The following JAM3 variants were observed in gnomAD, a reference collection of about 807,000 sequenced individuals.
JAM3 encodes the protein junctional adhesion molecule C.
In JAM3, 31 loss-of-function variants were observed where a neutral mutation model predicts 39.4. That is an observed-to-expected ratio of 0.79 (90% CI 0.59 to 1.06). The LOEUF (loss-of-function observed/expected upper bound fraction) is 1.06. Among genes scored for constraint, JAM3 ranks in the 50% least tolerant of loss-of-function variants. The pLI is 0.00. For synonymous variants in JAM3, 182 were observed against 148.7 expected (o/e 1.22, Z -1.63); for missense variants, 455 against 391.4 (o/e 1.16, Z -1.37).
chr11:134,106,167 G>C (rs969490357), intron 1 of JAM3, among the ~76,000 whole-genome samples: 1 of 152,148 alleles, frequency 6.6e-6, no homozygotes, highest in African/African-American at 2.4e-5. Flanking sequence ...CAATGGAACA[G>C]AACAGAGCCC....
chr11:134,111,081 ACCTTT>A (rs1942299568), intron 1 of JAM3, among the ~76,000 whole-genome samples: 1 of 142,638 alleles, frequency 7.0e-6, no homozygotes, highest in Non-Finnish European at 1.5e-5. Flanking sequence ...TTCTCACTCT[ACCTTT>A]CCTATGTCTA....
At chr11:134,115,553 G>C (rs1942411660) in intron 1 of JAM3, among the ~76,000 whole-genome samples, 1 of 152,102 alleles carries the variant, frequency 6.6e-6, no homozygotes, top group Non-Finnish European at 1.5e-5. Context: ...TTTGCAGAAA[G>C]TCTTCAATTT....
At chr11:134,118,333 A>T (rs1942475025) in intron 1 of JAM3, among the ~76,000 whole-genome samples, 1 of 152,190 alleles carries the variant, frequency 6.6e-6, no homozygotes, top group South Asian at 2.1e-4. Context: ...TGCCAGGCTC[A>T]TGCAAAGATG....
intron 8 of JAM3, 25 bp from the exon 9 acceptor site, chr11:134,149,121 C>T (rs770477046): frequency 8.1e-6 from 13 of 1,613,462 alleles, no homozygotes; most frequent in Non-Finnish European, 1.1e-5. Context: ...CCCTTGATGG[C>T]TCTAACTGTG....
In JAM3 at chr11:134,107,764, G is replaced by A. The variant is rs778564328; in HGVS notation, c.77-32087G>A. ...TGTAGTCCCAGCTACTTGGGACATCGGGGCAGGAGAATTGCTTGGTCCCAG... is the reference window on the plus strand; with the variant it reads ...TGTAGTCCCAGCTACTTGGGACATCAGGGCAGGAGAATTGCTTGGTCCCAG... On this transcript the variant is annotated intron_variant, in intron 1 of 8. Transcript: ENST00000299106. Among the ~76,000 whole-genome samples, 4 of 152,000 alleles carry A rather than the reference G, an allele frequency of 2.6e-5. No homozygotes were observed. The South Asian group carries it at 6.2e-4, about 24-fold the overall frequency.
chr11:134,089,482 C>T lies in JAM3; in HGVS notation c.76+20323C>T, dbSNP rs150298319. On this transcript the variant is annotated intron_variant, in intron 1 of 8. Transcript: ENST00000299106. ...CATCCCTGTACCCCACAACAGGCCC[C>T]GGTGTTTGATGTTCCCCTTCCTGTG... 3.2e-3 allele frequency among the ~76,000 whole-genome samples: 480 copies of T among 152,124 alleles called. 8 individuals carry two copies. Among genetic ancestry groups the T allele is most frequent in the East Asian group, 0.014 (73 of 5,150 alleles).
intron 1 of JAM3, among the ~76,000 whole-genome samples, chr11:134,116,246 A>G (rs1041748171): frequency 1.3e-5 from 2 of 152,348 alleles, no homozygotes; most frequent in African/African-American, 4.8e-5. Flanking sequence ...GTATTCTGAT[A>G]AAGTTTTTTC....
chr11:134,092,582 T>A (rs558140234), intron 1 of JAM3, among the ~76,000 whole-genome samples: 1 of 150,452 alleles, frequency 6.6e-6, no homozygotes, highest in Admixed American at 6.6e-5. Context: ...TGTCACTTCC[T>A]GAGGGAAGCT....
At chr11:134,144,749 C>T in intron 4 of JAM3, 43 bp from the exon 5 acceptor site, 1 of 1,515,232 alleles carries the variant, frequency 6.6e-7, no homozygotes, top group Non-Finnish European at 9.1e-7. Flanking sequence ...AAGAATAGAG[C>T]CCTGTCACTG....
chr11:134,082,567 G>C (rs920290294), intron 1 of JAM3, among the ~76,000 whole-genome samples: 1 of 152,118 alleles, frequency 6.6e-6, no homozygotes, highest in African/African-American at 2.4e-5. Flanking sequence ...GTTTCAAAAA[G>C]GGAAGTTTCC....
intron 1 of JAM3, among the ~76,000 whole-genome samples, chr11:134,127,703 A>G (rs999069894): frequency 6.6e-6 from 1 of 152,218 alleles, no homozygotes; most frequent in Non-Finnish European, 1.5e-5. Context: ...CGATTTCAAA[A>G]CAAAATAAAA....
At chr11:134,116,826 TTAAAA>T (rs1469501267) in intron 1 of JAM3, among the ~76,000 whole-genome samples, 1 of 152,196 alleles carries the variant, frequency 6.6e-6, no homozygotes, top group Non-Finnish European at 1.5e-5. Flanking sequence ...TGTATCTATG[TTAAAA>T]TAAACATTAG....
At chr11:134,124,285 G>C in intron 1 of JAM3, 1 of 923,360 alleles carries the variant, frequency 1.1e-6, no homozygotes, top group Non-Finnish European at 1.8e-6. Flanking sequence ...ACAAGAAAAC[G>C]CATGTTCTCA....
intron 1 of JAM3, among the ~76,000 whole-genome samples, chr11:134,092,883 C>T (rs1941897288): frequency 2.0e-5 from 3 of 146,366 alleles, no homozygotes; most frequent in African/African-American, 7.7e-5. Context: ...CTGAGGGAAG[C>T]TTCTCCTGAA....
intron 1 of JAM3, among the ~76,000 whole-genome samples, chr11:134,108,083 A>G (rs1942233885): frequency 6.6e-6 from 1 of 152,118 alleles, no homozygotes; most frequent in Non-Finnish European, 1.5e-5. Context: ...AATAGAGAAA[A>G]GAAACAAGTT....
At position 134,140,401 on chromosome 11, in the gene JAM3, C is replaced by T. The variant is rs114150718; in HGVS notation, c.143-256C>T. Among the ~76,000 whole-genome samples, 1,502 of 152,208 alleles carry T rather than the reference C, an allele frequency of 9.9e-3. 19 individuals are homozygous for T. The highest frequency in any genetic ancestry group is 0.034 in the African/African-American group (1,406 of 41,514). On this transcript the variant is annotated intron_variant, in intron 2 of 8. Transcript: ENST00000299106. Reference sequence around the variant, plus strand: ...CTAAGATTACAGGTGTGAGCCACCGCGCCTGGCCAAGAAATTTCTTATATA... The same window carrying T: ...CTAAGATTACAGGTGTGAGCCACCGTGCCTGGCCAAGAAATTTCTTATATA...
chr11:134,149,320 A>G lies in JAM3; in HGVS notation c.*139A>G. 1 of 914,074 alleles carries G rather than the reference A, an allele frequency of 1.1e-6. No individual in the cohort carries two copies. The highest frequency in any genetic ancestry group is 1.7e-6 in the Non-Finnish European group (1 of 575,754). 56.6% of individuals were successfully genotyped at this position (914,074 alleles called of 1,614,324 possible). A position where few individuals can be genotyped will look rare whatever the true frequency, so the allele number is the denominator to read the frequency against. On this transcript the variant is annotated 3_prime_UTR_variant, in exon 9 of 9. Coordinates refer to ENST00000299106, the MANE Select transcript of JAM3 (RefSeq NM_032801.5). ...AAGCTTTTCGTTTTGGCCAAAGTTG[A>G]CCACTACTCTTCTTACTCTAACAAG...
chr11:134,095,591 A>G (rs1461030621), intron 1 of JAM3, among the ~76,000 whole-genome samples: 1 of 151,764 alleles, frequency 6.6e-6, no homozygotes, highest in Non-Finnish European at 1.5e-5. Context: ...AGATCGCGCC[A>G]CTGCACTCCA....
intron 1 of JAM3, among the ~76,000 whole-genome samples, chr11:134,134,398 C>CAAAAAAAAAAAAAAAAAAA (rs34729848): frequency 4.4e-4 from 14 of 31,916 alleles, no homozygotes; most frequent in East Asian, 1.1e-3. Context: ...GGATAAATGC[C>CAAAAAAAAAAAAAAAAAAA]AAAAAAAAAA....
Sources: allele counts gnomAD v4.1 joint callset (sites outside exome capture counted in the v4.1 genomes callset), GRCh38; gene constraint gnomAD v4.1.1; transcripts MANE v1.5; gene names NCBI Gene and HGNC (gene_info 2026-07-23, HGNC 2026-07-21).